Variants in AUTS2 observed in about 807,000 individuals in gnomAD.
AUTS2 encodes the protein autism susceptibility gene 2 protein.
Under a neutral mutation model 112.4 loss-of-function variants are expected in AUTS2, and 17 were observed. That is an observed-to-expected ratio of 0.15 (90% CI 0.10 to 0.23). The LOEUF is 0.23. AUTS2 is among the 10% of genes least tolerant of loss of function. The pLI is 1.00. For missense variants in AUTS2, 1,510 were observed against 1,701.6 expected (o/e 0.89, Z 1.98); for synonymous variants, 751 against 702.7 (o/e 1.07, Z -1.09).
intron 2 of AUTS2, among the ~76,000 whole-genome samples, chr7:69,910,205 A>G (rs1471222039): frequency 6.6e-6 from 1 of 152,194 alleles, no homozygotes; most frequent in Non-Finnish European, 1.5e-5. Flanking sequence ...AGGGGAGTAT[A>G]TTGGTGTCAT....
In AUTS2 at chr7:70,068,394, C is replaced by T. The variant is rs184443847; in HGVS notation, c.523-49738C>T. ...GGAAACGGAGTTTAACCGTGTTAGCCAGGATGGTCTTGATCTCCTGACTTC... is the reference window on the plus strand; with the variant it reads ...GGAAACGGAGTTTAACCGTGTTAGCTAGGATGGTCTTGATCTCCTGACTTC... On this transcript the variant is annotated intron_variant, in intron 2 of 18. Transcript: ENST00000342771. Among the ~76,000 whole-genome samples, 413 of 151,972 alleles carry T rather than the reference C, an allele frequency of 2.7e-3. 1 individual carries two copies. Among genetic ancestry groups the T allele is most frequent in the African/African-American group, 8.9e-3 (367 of 41,464 alleles).
At chr7:69,734,904 C>T (rs745320270) in intron 1 of AUTS2, among the ~76,000 whole-genome samples, 5 of 152,144 alleles carry the variant, frequency 3.3e-5, no homozygotes, top group Non-Finnish European at 7.4e-5. Flanking sequence ...GCCCCATTCT[C>T]AATGTAAACC....
intron 1 of AUTS2, among the ~76,000 whole-genome samples, chr7:69,781,090 T>G (rs985282967): frequency 3.9e-5 from 6 of 152,244 alleles, no homozygotes; most frequent in Non-Finnish European, 7.3e-5. Context: ...GCAGTGATGC[T>G]GGAGCTGTGA....
intron 4 of AUTS2, among the ~76,000 whole-genome samples, chr7:70,355,017 TGTGTGTGTATGG>T (rs1311733272): frequency 6.6e-6 from 1 of 150,596 alleles, no homozygotes; most frequent in Admixed American, 6.6e-5. Flanking sequence ...TGTATGTATG[TGTGTGTGTATGG>T]GTGTGTGTGT....
intron 1 of AUTS2, among the ~76,000 whole-genome samples, chr7:69,828,446 C>CTA (rs1391279231): frequency 6.6e-6 from 1 of 152,004 alleles, no homozygotes; most frequent in Non-Finnish European, 1.5e-5. Flanking sequence ...AAGATAGATA[C>CTA]TATCTTTGAT....
intron 4 of AUTS2, among the ~76,000 whole-genome samples, chr7:70,140,680 T>C (rs1806815908): frequency 6.6e-6 from 1 of 152,224 alleles, no homozygotes; most frequent in Non-Finnish European, 1.5e-5. Context: ...AAGACCCTAA[T>C]CTTTGTATTT....
chr7:69,609,587 A>G (rs146725296), intron 1 of AUTS2, among the ~76,000 whole-genome samples: 71 of 152,362 alleles, frequency 4.7e-4, no homozygotes, highest in African/African-American at 1.5e-3. Context: ...AATTTTTAAC[A>G]TAATTTCTTT....
rs867898159 is a variant in AUTS2, at chr7:70,781,633, C to T, written c.2023C>T (p.Pro675Ser). The change falls in exon 15 of 19, where the codon CCA becomes TCA. Residue 675 changes from proline to serine, a missense_variant. By Grantham distance (74) the Pro-to-Ser change is moderately conservative. Around this residue, in one of 3 missense-constraint regions of AUTS2, gnomAD observed 187 missense variants for 309.7 expected, o/e 0.60. Coordinates refer to ENST00000342771, the MANE Select transcript of AUTS2 (RefSeq NM_015570.4). ...TGTGTAGAAACAGATGCAGTCAGAC[C>T]CACATAAGCTGGACTTTGGACTGAA... ...QKVKKQMQSD[P>S]HKLDFGLKPE... 1.2e-6 allele frequency: 2 copies of T among 1,614,104 alleles called. No individual in the cohort carries two copies. The highest frequency in any genetic ancestry group is 1.7e-6 in the Non-Finnish European group (2 of 1,180,010).
intron 2 of AUTS2, among the ~76,000 whole-genome samples, chr7:69,917,776 C>T (rs576654027): frequency 3.9e-5 from 6 of 152,236 alleles, no homozygotes; most frequent in Admixed American, 1.3e-4. Context: ...TTTTACATTC[C>T]TGAGTCACTT....
At chr7:69,619,403 C>A (rs1315917548) in intron 1 of AUTS2, among the ~76,000 whole-genome samples, 2 of 152,160 alleles carry the variant, frequency 1.3e-5, no homozygotes, top group Admixed American at 1.3e-4. Flanking sequence ...CAGGGGGATG[C>A]AGGGTTACAT....
chr7:70,683,975 C>T (rs937628342), intron 5 of AUTS2, among the ~76,000 whole-genome samples: 1 of 152,080 alleles, frequency 6.6e-6, no homozygotes, highest in African/African-American at 2.4e-5. Flanking sequence ...TTCAGGAAAT[C>T]GAAACTAAGG....
chr7:69,694,907 T>C (rs1361388466), intron 1 of AUTS2, among the ~76,000 whole-genome samples: 3 of 152,178 alleles, frequency 2.0e-5, no homozygotes, highest in Non-Finnish European at 2.9e-5. Context: ...GGGTTTAAAA[T>C]ATGTACTGCT....
intron 2 of AUTS2, among the ~76,000 whole-genome samples, chr7:69,970,590 C>G (rs1263074213): frequency 6.6e-6 from 1 of 152,124 alleles, no homozygotes; most frequent in East Asian, 1.9e-4. Flanking sequence ...TAATCGATCT[C>G]CCTGCCACAT....
intron 1 of AUTS2, among the ~76,000 whole-genome samples, chr7:69,621,486 T>C (rs1793662538): frequency 6.6e-6 from 1 of 152,060 alleles, no homozygotes; most frequent in African/African-American, 2.4e-5. Context: ...GCTATAAAAT[T>C]ATGTTATATA....
At chr7:70,786,578 A>G (rs977296720) in intron 17 of AUTS2, among the ~76,000 whole-genome samples, 2 of 152,202 alleles carry the variant, frequency 1.3e-5, no homozygotes, top group Admixed American at 6.5e-5. Flanking sequence ...TTAGGAGAAG[A>G]ATTACAACCC....
chr7:70,644,079 C>T (rs988333982), intron 5 of AUTS2, among the ~76,000 whole-genome samples: 4 of 152,124 alleles, frequency 2.6e-5, no homozygotes, highest in Non-Finnish European at 4.4e-5. Context: ...CTACTGCTTC[C>T]GTTGATTTTT....
chr7:70,441,302 G>A (rs1796113868), intron 5 of AUTS2, among the ~76,000 whole-genome samples: 1 of 152,208 alleles, frequency 6.6e-6, no homozygotes, highest in African/African-American at 2.4e-5. Context: ...ACCCAGGACA[G>A]CCTACTGGCA....
chr7:70,633,943 A>G (rs1805403852), intron 5 of AUTS2, among the ~76,000 whole-genome samples: 1 of 152,210 alleles, frequency 6.6e-6, no homozygotes, highest in Non-Finnish European at 1.5e-5. Flanking sequence ...TATTCTAGGT[A>G]CTAGATCCAT....
At chr7:70,239,586 C>T (rs190357674) in intron 4 of AUTS2, among the ~76,000 whole-genome samples, 148 of 152,280 alleles carry the variant, frequency 9.7e-4, no homozygotes, top group African/African-American at 3.2e-3. Flanking sequence ...CAGGCACCCA[C>T]CACCATGCCT....
Sources: allele counts gnomAD v4.1 joint callset (sites outside exome capture counted in the v4.1 genomes callset), GRCh38; gene constraint gnomAD v4.1.1; regional missense constraint gnomAD v4.1.1; transcripts MANE v1.5; gene names NCBI Gene and HGNC (gene_info 2026-07-23, HGNC 2026-07-21).